The following EHD4 variants were observed in gnomAD, a reference collection of about 807,000 sequenced individuals.
EHD4 encodes the protein EH domain containing 4.
In EHD4, 37 loss-of-function variants were observed where a neutral mutation model predicts 51.0. The observed-to-expected ratio is 0.73, with a 90% CI of 0.56 to 0.95. The LOEUF (loss-of-function observed/expected upper bound fraction) is 0.95. EHD4 is among the 40% of genes least tolerant of loss of function. EHD4 has a pLI of 0.00. For synonymous variants in EHD4, 297 were observed against 317.3 expected (o/e 0.94, Z 0.68); for missense variants, 632 against 733.1 (o/e 0.86, Z 1.59).
chr15:41,901,143 C>T lies in EHD4; in HGVS notation c.1128G>A (p.Ser376=), dbSNP rs143862687. The T allele has an allele frequency of 5.8e-4, 918 of 1,572,112 alleles. No individual in the cohort carries two copies. The highest frequency in any genetic ancestry group is 1.3e-3 in the African/African-American group (94 of 73,400). ...CTGCCTCGATCAGCTTGGGCTTCAG[C>T]GAGTGGAATTTGGTGAAGTCATAGT... ...LENYDFTKFH[S]LKPKLIEAVD... The change falls in exon 6 of 6, where the codon TCG becomes TCA. Residue 376 remains serine, a synonymous_variant. Transcript: ENST00000220325.
At position 41,919,815 on chromosome 15, in the gene EHD4, T is replaced by G. The variant is rs1449107851; in HGVS notation, c.512-193A>C. ...CGGGTGGGAAGGACCTGGGGAGCCCTTCCACAGGAGGAGGGAGGAAAGAGA... is the reference window on the plus strand; with the variant it reads ...CGGGTGGGAAGGACCTGGGGAGCCCGTCCACAGGAGGAGGGAGGAAAGAGA... On this transcript the variant is annotated intron_variant, in intron 3 of 5. Transcript: ENST00000220325. Among the ~76,000 whole-genome samples the G allele has an allele frequency of 2.0e-5, 3 of 151,764 alleles. No homozygotes were observed. In the East Asian group the frequency reaches 6.0e-4, roughly 30 times the overall value.
chr15:41,942,956 A>G, intron 3 of EHD4, 111 bp downstream of exon 3: 4 of 1,068,062 alleles, frequency 3.7e-6, no homozygotes, highest in Non-Finnish European at 5.5e-6. Flanking sequence ...TCAGCTGCCC[A>G]ACAGCTGTCC....
At chr15:41,907,212 G>A (rs1428464445) in intron 5 of EHD4, among the ~76,000 whole-genome samples, 1 of 152,234 alleles carries the variant, frequency 6.6e-6, no homozygotes, top group African/African-American at 2.4e-5. Flanking sequence ...AAGCCAGCGA[G>A]GCACAGAGGC....
chr15:41,966,839 C>A (rs1188456195), intron 1 of EHD4, among the ~76,000 whole-genome samples: 39 of 152,208 alleles, frequency 2.6e-4, no homozygotes. Context: ...GAGCCACTAC[C>A]CTCCCAGGCA....
rs1704381 is a variant in EHD4, at chr15:41,896,351, A to G, written c.*4294T>C. 79,567 of 152,046 alleles carry G rather than the reference A, an allele frequency of 0.52. 21,921 individuals carry two copies. The highest frequency in any genetic ancestry group is 0.9 in the East Asian group (4,663 of 5,184). The allele number at this position is 152,046 out of a possible 1,614,324, so 9.4% of individuals were successfully genotyped here. ...CAGTGCCATTTATATTGTTGCATCA[A>G]TAGGCTCATTTCTATATACTGCAAG... On this transcript the variant is annotated 3_prime_UTR_variant, in exon 6 of 6. Transcript: ENST00000220325.
chr15:41,928,834 A>T (rs1007203577), intron 3 of EHD4: 1 of 152,206 alleles, frequency 6.6e-6, no homozygotes, highest in Non-Finnish European at 1.5e-5. Context: ...AAAATAAGCC[A>T]CAGAATGAAT....
chr15:41,923,006 C>G (rs924517453), intron 3 of EHD4, among the ~76,000 whole-genome samples: 65 of 152,174 alleles, frequency 4.3e-4, no homozygotes, highest in African/African-American at 1.4e-3. Context: ...AGAGGTTGGT[C>G]TGCTTACCAC....
chr15:41,929,866 G>A (rs1595536872), intron 3 of EHD4, among the ~76,000 whole-genome samples: 2 of 152,166 alleles, frequency 1.3e-5, no homozygotes, highest in African/African-American at 4.8e-5. Flanking sequence ...GTACAGACAC[G>A]AACTAGTTAC....
rs1250776290 is a variant in EHD4 at position 41,972,339 on chromosome 15, C to T, written c.156G>A (p.Ala52=). ...TGTTCTCGAAGTCGGCGTCCTCCAG[C>T]GCAGGCGAGTGGAACTCGTGGAAGC... ...AYRFHEFHSP[A]LEDADFENKP... The change falls in exon 1 of 6, where the codon GCG becomes GCA. Residue 52 remains alanine (A), a synonymous_variant. Coordinates refer to ENST00000220325, the MANE Select transcript of EHD4 (RefSeq NM_139265.4). The T allele has an allele frequency of 6.2e-7, 1 of 1,611,462 alleles. No individual in the cohort carries two copies. The highest frequency in any genetic ancestry group is 8.5e-7 in the Non-Finnish European group (1 of 1,178,872).
intron 1 of EHD4, among the ~76,000 whole-genome samples, chr15:41,959,841 G>A (rs575944130): frequency 3.3e-5 from 5 of 151,818 alleles, no homozygotes; most frequent in Middle Eastern, 3.4e-3. Context: ...GTGGTGGTGC[G>A]CACCTGTAAT....
chr15:41,950,718 G>A (rs2067847577), intron 2 of EHD4, among the ~76,000 whole-genome samples: 1 of 152,116 alleles, frequency 6.6e-6, no homozygotes, highest in Non-Finnish European at 1.5e-5. Flanking sequence ...TGGCTAGAAG[G>A]ACAGAAACTC....
rs1468955641 is a variant in EHD4 at position 41,972,402 on chromosome 15, G to A, written c.93C>T (p.Leu31=). ...CCAGCGGCAGCACCTTGCGCAGGTAGAGCGAGCGCAGCCCGCCCGTCACCG... is the reference window on the plus strand; with the variant it reads ...CCAGCGGCAGCACCTTGCGCAGGTAAAGCGAGCGCAGCCCGCCCGTCACCG... ...VQTVTGGLRS[L]YLRKVLPLEE... is the part of the protein sequence containing the mutation. The change falls in exon 1 of 6, where the codon CTC becomes CTT. Residue 31 remains leucine, a synonymous_variant. Transcript: ENST00000220325. 1.2e-6 allele frequency: 2 copies of A among 1,610,170 alleles called. No homozygotes were observed. Among genetic ancestry groups the A allele is most frequent in the East Asian group, 4.5e-5 (2 of 44,684 alleles).
chr15:41,964,022 G>A (rs554734043), intron 1 of EHD4, among the ~76,000 whole-genome samples: 1 of 151,738 alleles, frequency 6.6e-6, no homozygotes, highest in African/African-American at 2.4e-5. Flanking sequence ...GTGGGCGCCT[G>A]TAGTCCCAGC....
intron 1 of EHD4, among the ~76,000 whole-genome samples, chr15:41,964,712 CTAAAAA>C (rs2067950090): frequency 6.7e-6 from 1 of 149,552 alleles, no homozygotes; most frequent in African/African-American, 2.5e-5. Context: ...AATAACTGTC[CTAAAAA>C]AGAAAGATAG....
intron 5 of EHD4, among the ~76,000 whole-genome samples, chr15:41,902,450 G>C (rs2067483635): frequency 1.3e-5 from 2 of 152,104 alleles, no homozygotes; most frequent in South Asian, 4.2e-4. Flanking sequence ...TGGGGCTTGG[G>C]GATACAGAAT....
intron 2 of EHD4, among the ~76,000 whole-genome samples, chr15:41,946,772 G>A (rs922761283): frequency 6.6e-6 from 1 of 152,060 alleles, no homozygotes; most frequent in Non-Finnish European, 1.5e-5. Context: ...AGGGGGCAAG[G>A]AGATTACTTA....
intron 2 of EHD4, among the ~76,000 whole-genome samples, chr15:41,948,369 G>A (rs1317926709): frequency 6.6e-6 from 1 of 152,020 alleles, no homozygotes; most frequent in Non-Finnish European, 1.5e-5. Flanking sequence ...TGTTGCCCAG[G>A]TTGGTCTCAA....
chr15:41,913,308 C>T (rs773170107), intron 4 of EHD4, among the ~76,000 whole-genome samples: 3 of 152,204 alleles, frequency 2.0e-5, no homozygotes, highest in Admixed American at 1.3e-4. Flanking sequence ...CATGCCAGAC[C>T]CAGGGCCAGA....
Position 41,919,255 on chromosome 15 carries a change from C to T in EHD4, c.879G>A (p.Ala293=), listed in dbSNP as rs569000123. The change falls in exon 4 of 6, where the codon GCG becomes GCA. Residue 293 remains alanine (A), a synonymous_variant. Transcript: ENST00000220325. ...TGATGAGGTCGTTGAGCTTGCGCAC[C>T]GCTGCCTTCTGGGGGAGGCTCTGGA... is the stretch of plus-strand genomic sequence containing the variant. ...RDIQSLPQKA[A]VRKLNDLIKR... The T allele has an allele frequency of 8.1e-5, 131 of 1,614,112 alleles. 1 individual carries two copies. The highest frequency in any genetic ancestry group is 1.7e-4 in the Middle Eastern group (1 of 6,042).
Sources: allele counts gnomAD v4.1 joint callset (sites outside exome capture counted in the v4.1 genomes callset), GRCh38; gene constraint gnomAD v4.1.1; transcripts MANE v1.5; gene names NCBI Gene and HGNC (gene_info 2026-07-23, HGNC 2026-07-21).